KLRG1: variants seen among roughly 807,000 people sequenced by gnomAD.
The protein encoded by KLRG1 is killer cell lectin-like receptor subfamily G member 1.
In KLRG1, 16 loss-of-function variants were observed where a neutral mutation model predicts 21.8. The ratio of observed to expected loss-of-function variants is 0.73; its 90% confidence interval spans 0.50 to 1.11. The LOEUF is 1.11. Among genes scored for constraint, KLRG1 ranks in the 50% most tolerant of loss-of-function variants. The pLI, the probability that KLRG1 is intolerant of heterozygous loss-of-function variation, is 0.00. For synonymous variants in KLRG1, 69 were observed against 75.9 expected, an observed-to-expected ratio of 0.91 and a Z score of 0.47; for missense variants, 173 against 218.3, an observed-to-expected ratio of 0.79 and a Z score of 1.31.
the KLRG1 span, among the ~76,000 whole-genome samples, chr12:9,215,428 C>CT: frequency 6.6e-6 from 1 of 151,828 alleles, no homozygotes; most frequent in African/African-American, 2.4e-5. Flanking sequence ...ATTGTGATTA[C>CT]TTTTTTGGAA....
intron 1 of KLRG1, among the ~76,000 whole-genome samples, chr12:8,968,918 TATC>T (rs1375012196): frequency 6.6e-6 from 1 of 152,160 alleles, no homozygotes; most frequent in African/African-American, 2.4e-5. Context: ...ATGAAAACAT[TATC>T]ATCATCAAGG....
At chr12:9,117,055 A>G in the KLRG1 span, among the ~76,000 whole-genome samples, 1 of 152,174 alleles carries the variant, frequency 6.6e-6, no homozygotes, top group Non-Finnish European at 1.5e-5. Flanking sequence ...TAAGCTCTGA[A>G]GTATGAGTAG....
intron 1 of KLRG1, among the ~76,000 whole-genome samples, chr12:8,960,431 T>C (rs1192960345): frequency 6.6e-6 from 1 of 152,192 alleles, no homozygotes; most frequent in Non-Finnish European, 1.5e-5. Context: ...CTCTTAGATC[T>C]CACACAGTGC....
At chr12:8,964,972 G>C (rs1226898216) in intron 1 of KLRG1, among the ~76,000 whole-genome samples, 1 of 151,956 alleles carries the variant, frequency 6.6e-6, no homozygotes, top group Non-Finnish European at 1.5e-5. Context: ...CACACTGATG[G>C]GTCTTGACTC....
the KLRG1 span, among the ~76,000 whole-genome samples, chr12:9,023,717 G>A: frequency 6.6e-6 from 1 of 151,798 alleles, no homozygotes; most frequent in African/African-American, 2.4e-5. Flanking sequence ...CACCATGCCT[G>A]GCCAATTAAA....
the KLRG1 span, among the ~76,000 whole-genome samples, chr12:9,104,952 A>T: frequency 1.4e-3 from 209 of 152,290 alleles, 1 homozygote; most frequent in African/African-American, 4.7e-3. Context: ...GTTGCCTTAG[A>T]CATGGTCTCT....
the KLRG1 span, chr12:9,168,827 T>C: frequency 6.9e-7 from 1 of 1,449,224 alleles, no homozygotes; most frequent in Non-Finnish European, 9.7e-7. Context: ...ATAGTAATAT[T>C]GTTGGACATG....
At chr12:9,137,447 A>C in the KLRG1 span, among the ~76,000 whole-genome samples, 1 of 152,088 alleles carries the variant, frequency 6.6e-6, no homozygotes, top group East Asian at 1.9e-4. Flanking sequence ...AAATTTTGAA[A>C]TTAGGAAGTG....
chr12:9,125,785 A>G, the KLRG1 span, among the ~76,000 whole-genome samples: 7 of 152,202 alleles, frequency 4.6e-5, no homozygotes, highest in Admixed American at 4.6e-4. Context: ...CCCAGGCTGG[A>G]GTGCAGTGGC....
the KLRG1 span, among the ~76,000 whole-genome samples, chr12:9,156,966 G>A: frequency 1.3e-5 from 2 of 151,394 alleles, no homozygotes; most frequent in African/African-American, 4.8e-5. Flanking sequence ...GGGTACATGT[G>A]CAGGATGTGC....
chr12:9,034,693 C>T, the KLRG1 span, among the ~76,000 whole-genome samples: 17 of 152,190 alleles, frequency 1.1e-4, no homozygotes, highest in African/African-American at 2.9e-4. Context: ...ATGATCCGCC[C>T]GCCTCGGCCT....
At chr12:9,137,271 T>C in the KLRG1 span, among the ~76,000 whole-genome samples, 1 of 152,164 alleles carries the variant, frequency 6.6e-6, no homozygotes, top group African/African-American at 2.4e-5. Flanking sequence ...CTCCACACCA[T>C]TTGTTGAAGG....
the KLRG1 span, chr12:9,192,143 G>A: frequency 6.8e-7 from 1 of 1,471,094 alleles, no homozygotes; most frequent in Non-Finnish European, 9.5e-7. Flanking sequence ...CCGAGGGAAG[G>A]GTAAGGATGT....
downstream of KLRG1, among the ~76,000 whole-genome samples, chr12:9,012,057 C>T (rs1178732574): frequency 6.6e-6 from 1 of 152,224 alleles, no homozygotes; most frequent in Non-Finnish European, 1.5e-5. Context: ...ACAAGGACCA[C>T]AGTTCCTGGG....
chr12:9,150,578 T>C, the KLRG1 span: 2 of 1,067,956 alleles, frequency 1.9e-6, no homozygotes, highest in South Asian at 2.7e-5. Context: ...AAGAAGAGGA[T>C]CAACTGTCAC....
the KLRG1 span, among the ~76,000 whole-genome samples, chr12:9,051,130 C>T: frequency 3.9e-5 from 6 of 152,216 alleles, no homozygotes; most frequent in African/African-American, 1.2e-4. Flanking sequence ...ACTTCCTCCC[C>T]TCCGAGGTCC....
the KLRG1 span, among the ~76,000 whole-genome samples, chr12:9,125,897 G>A: frequency 6.6e-6 from 1 of 152,078 alleles, no homozygotes; most frequent in Non-Finnish European, 1.5e-5. Flanking sequence ...ACCATGCCTG[G>A]CTAATTTTTG....
chr12:9,157,699 C>T, the KLRG1 span: 11 of 1,368,798 alleles, frequency 8.0e-6, no homozygotes, highest in South Asian at 1.2e-5. Context: ...CAACCCTTAG[C>T]AGGGTGGCAT....
At chr12:9,101,098 A>G in the KLRG1 span, 16 of 1,527,006 alleles carry the variant, frequency 1.0e-5, no homozygotes, top group Non-Finnish European at 1.4e-5. Flanking sequence ...GTAAGGCTGA[A>G]TGGGTCAGAA....
Sources: gnomAD v4.1 joint callset for allele counts (sites outside exome capture counted in the v4.1 genomes callset) on GRCh38, gnomAD v4.1.1 for gene constraint, MANE v1.5 for transcripts, NCBI Gene and HGNC (gene_info 2026-07-23, HGNC 2026-07-21) for gene names.